The following WWOX variants were observed in gnomAD, a reference collection of about 807,000 sequenced individuals.
The protein encoded by WWOX is WW domain containing oxidoreductase, also known as WW domain-containing oxidoreductase.
Under a neutral mutation model 46.2 loss-of-function variants are expected in WWOX, and 69 were observed. The observed-to-expected ratio is 1.49, with a 90% confidence interval of 1.23 to 1.82. The LOEUF (loss-of-function observed/expected upper bound fraction) is 1.82. Ranked by LOEUF, WWOX falls within the 40% of genes most tolerant of loss-of-function variation. The pLI is 0.00. For synonymous variants in WWOX, 359 were observed against 202.6 expected (o/e 1.77, Z -6.56); for missense variants, 919 against 542.6 (o/e 1.69, Z -6.89).
chr16:78,257,004 T>G (rs2038149626), intron 5 of WWOX, among the ~76,000 whole-genome samples: 1 of 152,108 alleles, frequency 6.6e-6, no homozygotes, highest in Non-Finnish European at 1.5e-5. Flanking sequence ...CTACTCTTAA[T>G]GGCACATTAG....
At chr16:78,183,381 C>T (rs1314508739) in intron 5 of WWOX, among the ~76,000 whole-genome samples, 1 of 152,098 alleles carries the variant, frequency 6.6e-6, no homozygotes. Context: ...GGCATAGGAC[C>T]AGTTGGTTAT....
intron 8 of WWOX, among the ~76,000 whole-genome samples, chr16:78,735,833 G>T (rs2049078839): frequency 8.3e-6 from 1 of 119,916 alleles, no homozygotes; most frequent in African/African-American, 3.7e-5. Context: ...ATCAGGGGAT[G>T]CTCCACACCT....
chr16:78,417,036 T>C (rs1336595674), intron 6 of WWOX, among the ~76,000 whole-genome samples: 1 of 145,336 alleles, frequency 6.9e-6, no homozygotes, highest in Non-Finnish European at 1.5e-5. Flanking sequence ...GGTGACCCTT[T>C]GGGGGTGTGT....
chr16:78,831,943 A>T (rs906242625), intron 8 of WWOX, among the ~76,000 whole-genome samples: 13 of 152,152 alleles, frequency 8.5e-5, no homozygotes, highest in African/African-American at 3.1e-4. Context: ...ACTTTTGGTG[A>T]TAACTACCTG....
chr16:78,905,185 C>T (rs1167198855), intron 8 of WWOX, among the ~76,000 whole-genome samples: 1 of 152,110 alleles, frequency 6.6e-6, no homozygotes, highest in East Asian at 1.9e-4. Context: ...AGCTGCTGGC[C>T]TGAGCATGAG....
At chr16:79,000,488 C>T (rs912493991) in intron 8 of WWOX, among the ~76,000 whole-genome samples, 2 of 152,008 alleles carry the variant, frequency 1.3e-5, no homozygotes, top group African/African-American at 4.8e-5. Context: ...GCAGATGGGT[C>T]ATAATCAGAG....
At chr16:78,704,272 C>T (rs1272376165) in intron 8 of WWOX, among the ~76,000 whole-genome samples, 4 of 152,048 alleles carry the variant, frequency 2.6e-5, no homozygotes, top group African/African-American at 9.7e-5. Context: ...GATCCCATAG[C>T]GGGTATCTCC....
intron 8 of WWOX, among the ~76,000 whole-genome samples, chr16:78,866,217 A>G (rs1390829973): frequency 6.6e-6 from 1 of 152,074 alleles, no homozygotes; most frequent in African/African-American, 2.4e-5. Context: ...GCCAGTCTCC[A>G]TAGCAGTGAT....
At chr16:78,826,022 A>G (rs1228254461) in intron 8 of WWOX, 1 of 527,740 alleles carries the variant, frequency 1.9e-6, no homozygotes, top group African/African-American at 1.9e-5. Context: ...TGTCCTTGGC[A>G]GTTGTATTCG....
intron 8 of WWOX, among the ~76,000 whole-genome samples, chr16:79,135,466 A>G (rs912583264): frequency 7.9e-5 from 12 of 152,178 alleles, no homozygotes; most frequent in Non-Finnish European, 1.6e-4. Flanking sequence ...TTTAATATAA[A>G]TCTATTCATC....
At chr16:78,714,983 C>T (rs900968703) in intron 8 of WWOX, among the ~76,000 whole-genome samples, 11 of 152,196 alleles carry the variant, frequency 7.2e-5, no homozygotes, top group South Asian at 2.1e-4. Context: ...TATAACTGCT[C>T]GGTAGAGAAT....
chr16:78,762,100 C>T (rs904743152), intron 8 of WWOX, among the ~76,000 whole-genome samples: 1 of 152,158 alleles, frequency 6.6e-6, no homozygotes, highest in East Asian at 1.9e-4. Context: ...TGTAACTGCC[C>T]ACAGTAATCC....
At chr16:78,611,517 A>G (rs1435115824) in intron 8 of WWOX, among the ~76,000 whole-genome samples, 1 of 152,100 alleles carries the variant, frequency 6.6e-6, no homozygotes, top group African/African-American at 2.4e-5. Flanking sequence ...TCCCACAGAC[A>G]CTTATGGGAG....
At chr16:79,022,290 A>G (rs938879763) in intron 8 of WWOX, among the ~76,000 whole-genome samples, 4 of 139,852 alleles carry the variant, frequency 2.9e-5, no homozygotes, top group Non-Finnish European at 4.6e-5. Context: ...GCTCGCTCTG[A>G]TGCCTGTGTG....
chr16:78,217,750 G>A (rs1303917186), intron 5 of WWOX, among the ~76,000 whole-genome samples: 2 of 152,114 alleles, frequency 1.3e-5, no homozygotes, highest in Admixed American at 6.6e-5. Context: ...CCGGGGAAGG[G>A]GGTGTAATAT....
chr16:78,524,641 A>C (rs2043420098), intron 8 of WWOX, among the ~76,000 whole-genome samples: 1 of 151,694 alleles, frequency 6.6e-6, no homozygotes, highest in Admixed American at 6.6e-5. Context: ...AACTGGTCTC[A>C]AACTCCTGAC....
rs76633670 is a variant in WWOX, at chr16:78,677,594, G to C, written c.1056+244842G>C. Among the ~76,000 whole-genome samples the C allele has an allele frequency of 7.6e-4, 116 of 152,280 alleles. 1 individual carries two copies. Among genetic ancestry groups the C allele is most frequent in the African/African-American group, 2.7e-3 (114 of 41,556 alleles). ...CATGCAACCCCCAAAACTCCATGTT[G>C]TTTACAGTGTGGGACACCTGACTTT... On this transcript the variant is annotated intron_variant, in intron 8 of 8. Coordinates refer to ENST00000566780, the MANE Select transcript of WWOX (RefSeq NM_016373.4).
At chr16:79,180,832 C>G (rs562450002) in intron 8 of WWOX, among the ~76,000 whole-genome samples, 8 of 152,058 alleles carry the variant, frequency 5.3e-5, no homozygotes, top group Non-Finnish European at 1.0e-4. Flanking sequence ...AAATGAAAAA[C>G]TAGGAAAATG....
chr16:78,727,267 C>G (rs2048857967), intron 8 of WWOX, among the ~76,000 whole-genome samples: 1 of 152,144 alleles, frequency 6.6e-6, no homozygotes, highest in Non-Finnish European at 1.5e-5. Flanking sequence ...GGTTTGGTGA[C>G]AAACGCATGT....
Sources: gnomAD v4.1 joint callset for allele counts (sites outside exome capture counted in the v4.1 genomes callset) on GRCh38, gnomAD v4.1.1 for gene constraint, MANE v1.5 for transcripts, NCBI Gene and HGNC (gene_info 2026-07-23, HGNC 2026-07-21) for gene names.